Variants in TDRD5 observed in about 807,000 individuals in gnomAD.
The protein encoded by TDRD5 is tudor domain containing 5.
Under a neutral mutation model 120.6 loss-of-function variants are expected in TDRD5, and 41 were observed. That is an observed-to-expected ratio of 0.34 (90% CI 0.26 to 0.44). The LOEUF (loss-of-function observed/expected upper bound fraction) is 0.44. Ranked by LOEUF, TDRD5 falls within the 20% of genes least tolerant of loss-of-function variation. The pLI, the probability that TDRD5 is intolerant of heterozygous loss-of-function variation, is 1.00. For synonymous variants in TDRD5, 430 were observed against 433.7 expected (o/e 0.99, Z 0.11); for missense variants, 1,006 against 1,221.2 (o/e 0.82, Z 2.63).
rs143133754 is a variant in TDRD5, at chr1:179,649,808, G to A, written c.1801-1059G>A. On this transcript the variant is annotated intron_variant, in intron 11 of 17. Transcript: ENST00000444136. Reference sequence around the variant, plus strand: ...GCTCGTTGTCTTTGAAAAATTAACTGTAAGAATGGTTGAATAATAAAGGCT... The same window carrying A: ...GCTCGTTGTCTTTGAAAAATTAACTATAAGAATGGTTGAATAATAAAGGCT... Among the ~76,000 whole-genome samples, 486 of 152,166 alleles carry A rather than the reference G, an allele frequency of 3.2e-3. 3 individuals carry two copies. Among genetic ancestry groups the A allele is most frequent in the African/African-American group, 0.011 (471 of 41,514 alleles).
chr1:179,634,747 AT>A, intron 8 of TDRD5, 118 bp downstream of exon 8: 1 of 1,189,322 alleles, frequency 8.4e-7, no homozygotes, highest in Non-Finnish European at 1.1e-6. Context: ...TATATCATTT[AT>A]TAGAAGAAAT....
At chr1:179,603,053 TC>T (rs1675800583) in intron 4 of TDRD5, among the ~76,000 whole-genome samples, 1 of 152,208 alleles carries the variant, frequency 6.6e-6, no homozygotes, top group African/African-American at 2.4e-5. Context: ...ATAATTTCTT[TC>T]AGCAGTGTTT....
intron 3 of TDRD5, 86 bp from the exon 4 acceptor site, chr1:179,595,542 A>G: frequency 1.6e-6 from 2 of 1,215,956 alleles, no homozygotes; most frequent in South Asian, 3.6e-5. Flanking sequence ...CAGTTAGCTC[A>G]CAGTAGCCTC....
intron 16 of TDRD5, 54 bp from the exon 17 acceptor site, chr1:179,669,140 T>G: frequency 6.7e-7 from 1 of 1,489,526 alleles, no homozygotes; most frequent in Non-Finnish European, 9.2e-7. Context: ...TAGGGCTTAA[T>G]TATTCTTATA....
intron 14 of TDRD5, among the ~76,000 whole-genome samples, chr1:179,654,700 G>A (rs1678903597): frequency 6.6e-6 from 1 of 152,136 alleles, no homozygotes; most frequent in South Asian, 2.1e-4. Flanking sequence ...CCCAGGAGGT[G>A]GAGGTGGCAG....
chr1:179,653,417 A>G (rs1156988781), intron 13 of TDRD5, among the ~76,000 whole-genome samples: 1 of 152,106 alleles, frequency 6.6e-6, no homozygotes, highest in African/African-American at 2.4e-5. Flanking sequence ...ATATGTACCG[A>G]TGTTTCCTAC....
chr1:179,674,710 A>G (rs1017649192), intron 17 of TDRD5, among the ~76,000 whole-genome samples: 3 of 152,090 alleles, frequency 2.0e-5, no homozygotes, highest in Non-Finnish European at 2.9e-5. Context: ...TACCATTTCA[A>G]TCTCACTGCT....
intron 5 of TDRD5, 25 bp downstream of exon 5, chr1:179,618,707 A>G (rs777360830): frequency 7.4e-6 from 11 of 1,484,716 alleles, no homozygotes; most frequent in Non-Finnish European, 1.0e-5. Context: ...TTTCTGGGAG[A>G]CAATAATAAT....
At chr1:179,615,155 CAT>C (rs1343645421) in intron 4 of TDRD5, among the ~76,000 whole-genome samples, 1 of 151,912 alleles carries the variant, frequency 6.6e-6, no homozygotes, top group African/African-American at 2.4e-5. Flanking sequence ...ATTGTAATTA[CAT>C]ATATATATGA....
chr1:179,611,023 A>G (rs1676248007), intron 4 of TDRD5, among the ~76,000 whole-genome samples: 1 of 149,716 alleles, frequency 6.7e-6, no homozygotes, highest in South Asian at 2.1e-4. Flanking sequence ...AGTTTGGCAC[A>G]TTTCTCGAAA....
At chr1:179,646,967 A>G (rs2102047606) in intron 11 of TDRD5, among the ~76,000 whole-genome samples, 1 of 150,196 alleles carries the variant, frequency 6.7e-6, no homozygotes, top group African/African-American at 2.5e-5. Flanking sequence ...AAACAAATGG[A>G]AGAACATTCC....
chr1:179,669,208 T>G lies in TDRD5; in HGVS notation c.2664T>G (p.Asn888Lys), dbSNP rs1679727132. Residue 888 changes from asparagine (N) to lysine (K), a missense_variant, in exon 17 of 18, where the codon AAT becomes AAG. By Grantham distance (94) the Asn-to-Lys change is moderately conservative. Around this residue, in one of 3 missense-constraint regions of TDRD5, gnomAD observed 403 missense variants for 448.1 expected, o/e 0.90. Coordinates refer to ENST00000444136, the MANE Select transcript of TDRD5 (RefSeq NM_001199085.3). The stretch of plus-strand genomic sequence containing the variant: ...CCATTCTGCAGCAACTAGACATAAA[T>G]GGTTCTTCAGATTCTTCCACACTGC... Reference protein sequence around the residue: ...TNRTQKQLDINGSSDSSTLPK... With the variant: ...TNRTQKQLDIKGSSDSSTLPK... 1.2e-6 allele frequency: 2 copies of G among 1,613,702 alleles called. No homozygotes were observed. The highest frequency in any genetic ancestry group is 1.7e-6 in the Non-Finnish European group (2 of 1,179,816).
At chr1:179,675,287 T>A (rs1323340808) in intron 17 of TDRD5, among the ~76,000 whole-genome samples, 1 of 134,478 alleles carries the variant, frequency 7.4e-6, no homozygotes, top group African/African-American at 2.8e-5. Flanking sequence ...TTTTTTTTTT[T>A]TTTTTTTTTT....
rs555151027 is a variant in TDRD5 at position 179,625,340 on chromosome 1, A to G, written c.972+4249A>G. Among the ~76,000 whole-genome samples, 4 of 152,296 alleles carry G rather than the reference A, an allele frequency of 2.6e-5. No individual in the cohort carries two copies. In the East Asian group the frequency reaches 7.7e-4, roughly 29 times the overall value. On this transcript the variant is annotated intron_variant, in intron 6 of 17. Transcript: ENST00000444136. Reference sequence around the variant, plus strand: ...CTGATAATGAGACTTCATCAAAATTAGCTTCTATTTAGGAGACCCCATTTA... The same window carrying G: ...CTGATAATGAGACTTCATCAAAATTGGCTTCTATTTAGGAGACCCCATTTA...
chr1:179,598,145 C>T (rs1228360744), intron 4 of TDRD5, among the ~76,000 whole-genome samples: 1 of 152,106 alleles, frequency 6.6e-6, no homozygotes, highest in Non-Finnish European at 1.5e-5. Flanking sequence ...GGACTGAATG[C>T]TGTAGGCAGT....
chr1:179,646,453 T>G (rs959357265), intron 11 of TDRD5, among the ~76,000 whole-genome samples: 2 of 151,970 alleles, frequency 1.3e-5, no homozygotes, highest in Non-Finnish European at 2.9e-5. Flanking sequence ...GGGATGTATC[T>G]CAAAATAATA....
intron 6 of TDRD5, among the ~76,000 whole-genome samples, chr1:179,628,324 CT>C (rs71569258): frequency 0.26 from 13,810 of 54,076 alleles, 901 homozygotes; most frequent in East Asian, 0.32. Context: ...CTTTTCTTTT[CT>C]TTTTTTTTTT....
chr1:179,686,501 CTCT>C (rs1427052682), intron 17 of TDRD5, among the ~76,000 whole-genome samples: 1 of 152,080 alleles, frequency 6.6e-6, no homozygotes, highest in African/African-American at 2.4e-5. Context: ...GTCTAAAATT[CTCT>C]TTTTTTGTTG....
In TDRD5 at chr1:179,640,114, G is replaced by A. The variant is rs1037519127; in HGVS notation, c.1733+63G>A. The stretch of plus-strand genomic sequence containing the variant: ...TTTTGAATCACAGTGTTGAAGCTCT[G>A]TGGGGTTGGGATCTCTCTTTTCTCT... On this transcript the variant is annotated intron_variant, in intron 10 of 17. Transcript: ENST00000444136. The A allele has an allele frequency of 2.1e-5, 33 of 1,551,954 alleles. No homozygotes were observed. In the East Asian group the frequency reaches 6.3e-4, roughly 30 times the overall value.
Sources: allele counts gnomAD v4.1 joint callset (sites outside exome capture counted in the v4.1 genomes callset), GRCh38; gene constraint gnomAD v4.1.1; regional missense constraint gnomAD v4.1.1; transcripts MANE v1.5; gene names NCBI Gene and HGNC (gene_info 2026-07-23, HGNC 2026-07-21).